DACT2: variants seen among roughly 807,000 people sequenced by gnomAD.
The protein encoded by DACT2 is dapper homolog 2.
In DACT2, 20 loss-of-function variants were observed where a neutral mutation model predicts 22.2. That is an observed-to-expected ratio of 0.90 (90% CI 0.63 to 1.31). DACT2 has a LOEUF of 1.31. DACT2 is among the 50% of genes most tolerant of loss of function. DACT2 has a pLI of 0.00. For missense variants in DACT2, 1,048 were observed against 1,061.4 expected (o/e 0.99, Z 0.18); for synonymous variants, 463 against 479.8 (o/e 0.96, Z 0.46).
Position 168,308,008 on chromosome 6 carries a change from G to A in DACT2, c.1749C>T (p.His583=), listed in dbSNP as rs1412943790. The change falls in exon 4 of 4, where the codon CAC becomes CAT. Residue 583 remains histidine (H), a synonymous_variant. Transcript: ENST00000366795. The part of the protein sequence containing the change: ...VPLAVAPQES[H]RTSAQALFPF... ...GGAACAGGGCTTGGGCTGAGGTCCGGTGGCTCTCCTGCGGGGCCACTGCCA... is the reference window on the plus strand; with the variant it reads ...GGAACAGGGCTTGGGCTGAGGTCCGATGGCTCTCCTGCGGGGCCACTGCCA... The A allele has an allele frequency of 1.9e-6, 3 of 1,550,840 alleles. No individual in the cohort carries two copies. The highest frequency in any genetic ancestry group is 2.6e-6 in the Non-Finnish European group (3 of 1,146,632).
chr6:168,310,503 C>T, intron 2 of DACT2, 57 bp from the exon 3 acceptor site: 2 of 1,520,822 alleles, frequency 1.3e-6, no homozygotes, highest in East Asian at 2.5e-5. Flanking sequence ...CCCAGGGCCC[C>T]CTCTCCTCCT....
downstream of DACT2, among the ~76,000 whole-genome samples, chr6:168,306,447 C>T (rs4708714): frequency 0.97 from 145,833 of 150,146 alleles, 70,770 homozygotes; most frequent in East Asian, 1. Flanking sequence ...TATGCCCCCT[C>T]TTTTTTTTCT....
intron 2 of DACT2, among the ~76,000 whole-genome samples, chr6:168,310,807 GTCTC>G (rs1779377807): frequency 6.6e-6 from 1 of 152,116 alleles, no homozygotes; most frequent in African/African-American, 2.4e-5. Context: ...TCTGGCCCCT[GTCTC>G]TCTCTTTCTT....
chr6:168,300,662 G>C (rs552277590), intron 3 of DACT2: 1 of 152,226 alleles, frequency 6.6e-6, no homozygotes, highest in African/African-American at 2.4e-5. Flanking sequence ...ATTGACTAGA[G>C]CATTATTTCT....
intron 3 of DACT2, among the ~76,000 whole-genome samples, chr6:168,297,098 A>G (rs1006701607): frequency 5.3e-5 from 8 of 152,358 alleles, no homozygotes; most frequent in African/African-American, 1.9e-4. Context: ...ACACCATTTT[A>G]TATCTGTTTG....
intron 1 of DACT2, among the ~76,000 whole-genome samples, chr6:168,314,275 C>A (rs1779493554): frequency 6.6e-6 from 1 of 152,164 alleles, no homozygotes; most frequent in Non-Finnish European, 1.5e-5. Context: ...TCCAGGCGGC[C>A]TTGCTCACGG....
downstream of DACT2, among the ~76,000 whole-genome samples, chr6:168,306,746 G>A (rs1350578479): frequency 4.6e-5 from 7 of 152,068 alleles, no homozygotes; most frequent in African/African-American, 9.7e-5. Flanking sequence ...CACCACGCCC[G>A]GCCTATGCTT....
chr6:168,294,119 C>T (rs1206494376), intron 5 of DACT2: 1 of 702,876 alleles, frequency 1.4e-6, no homozygotes. Context: ...AGACAGTGAG[C>T]ATGGAGCACT....
At chr6:168,298,903 A>G (rs1779052883) in intron 3 of DACT2, 1 of 151,956 alleles carries the variant, frequency 6.6e-6, no homozygotes, top group Non-Finnish European at 1.5e-5. Flanking sequence ...TACCCACAAT[A>G]TCTACCTCAC....
In DACT2 at chr6:168,310,243, C is replaced by G; in HGVS notation, c.583G>C (p.Gly195Arg). Residue 195 changes from glycine to arginine, a missense_variant, in exon 3 of 4, where the codon GGC (glycine) becomes CGC (arginine). By Grantham distance (125) the Gly-to-Arg change is moderately radical (BLOSUM62 -2). Coordinates refer to ENST00000366795, the MANE Select transcript of DACT2 (RefSeq NM_214462.5). ...TCCACGCTCCCTGGGGGCCTGGCGC[C>G]CTCCTCGGTAGCCTGGGGTCTCCAC... ...PAWRPQATEE[G>R]ARPPGSVEDA... The G allele has an allele frequency of 6.4e-7, 1 of 1,551,306 alleles. No homozygotes were observed. Among genetic ancestry groups the G allele is most frequent in the Non-Finnish European group, 8.7e-7 (1 of 1,147,006 alleles).
Position 168,307,446 on chromosome 6 carries a change from T to C in DACT2, c.2311A>G (p.Met771Val), listed in dbSNP as rs1371271043. The C allele has an allele frequency of 1.3e-6, 2 of 1,551,566 alleles. No individual in the cohort carries two copies. The highest frequency in any genetic ancestry group is 2.7e-5 in the African/African-American group (2 of 73,048). Residue 771 changes from methionine (M) to valine (V), a missense_variant, in exon 4 of 4, where the codon ATG becomes GTG. Physicochemically the swap from Met to Val is conservative, Grantham distance 21. Coordinates refer to ENST00000366795, the MANE Select transcript of DACT2 (RefSeq NM_214462.5). This position sits in a 1 kb window ranked among gnomAD's most constrained non-coding sequence, Gnocchi z 5.3. The part of the protein sequence containing the change: ...RRFQPTALKV[M>V]TMV Reference sequence around the variant, plus strand: ...GTCACTGCACCTCACACCATGGTCATGACCTTCAGGGCCGTCGGCTGGAAC... The same window carrying C: ...GTCACTGCACCTCACACCATGGTCACGACCTTCAGGGCCGTCGGCTGGAAC...
chr6:168,313,211 G>C (rs192295626), intron 1 of DACT2, among the ~76,000 whole-genome samples: 36 of 152,182 alleles, frequency 2.4e-4, no homozygotes, highest in East Asian at 2.1e-3. Context: ...GCCCAGCTAA[G>C]TTTTTGTATT....
chr6:168,308,766 T>C lies in DACT2; in HGVS notation c.991A>G (p.Arg331Gly). 3 of 1,551,238 alleles carry C rather than the reference T, an allele frequency of 1.9e-6. No homozygotes were observed. The highest frequency in any genetic ancestry group is 2.0e-5 in the Admixed American group (1 of 51,006). The change falls in exon 4 of 4, where the codon AGA becomes GGA. Residue 331 changes from arginine (R) to glycine (G), a missense_variant. Arg to Gly is a moderately radical substitution (Grantham distance 125). Coordinates refer to ENST00000366795, the MANE Select transcript of DACT2 (RefSeq NM_214462.5). ...TGCAGCAACCTGTCGATATAAGCTC[T>C]GGCCCTGGCCGGGCCAGCCTCGAGG... ...PVLEAGPARA[R>G]AYIDRLLHLW...
chr6:168,314,474 A>G (rs561697589), intron 1 of DACT2, among the ~76,000 whole-genome samples: 24 of 152,284 alleles, frequency 1.6e-4, no homozygotes, highest in African/African-American at 5.3e-4. Flanking sequence ...GCATTTTAAC[A>G]AGCTTCCCAG....
At chr6:168,294,734 A>C (rs1487874486) in intron 3 of DACT2, 1 of 1,287,156 alleles carries the variant, frequency 7.8e-7, no homozygotes, top group Non-Finnish European at 1.0e-6. Flanking sequence ...AATGTGCGTG[A>C]GAGCTACAGA....
rs1472470266 is a variant in DACT2, at chr6:168,293,694, A to G, written c.*200T>C. 1.0e-5 allele frequency: 6 copies of G among 587,144 alleles called. No homozygotes were observed. The East Asian group carries it at 1.7e-4, about 17-fold the overall frequency. The allele number at this position is 587,144 out of a possible 1,614,324, so 36.4% of individuals were successfully genotyped here. A position where few individuals can be genotyped will look rare whatever the true frequency, so the allele number is the denominator to read the frequency against. On this transcript the variant is annotated 3_prime_UTR_variant, in exon 6 of 6. Coordinates refer to the DACT2 transcript ENST00000366796. ...CTCCCTCACTTCAACTTTCCACGTA[A>G]AGGAAATTCCACTGACCAGCAGTCC...
downstream of DACT2, chr6:168,306,791 C>T (rs974021835): frequency 5.5e-5 from 42 of 763,318 alleles, no homozygotes; most frequent in Non-Finnish European, 1.4e-5. Context: ...TTAGTCTCTA[C>T]TCACTTATAA....
At position 168,319,378 on chromosome 6, in the gene DACT2, C is replaced by T. The variant is rs1320203835; in HGVS notation, c.246+10G>A. The T allele has an allele frequency of 1.0e-5, 12 of 1,198,380 alleles. No individual in the cohort carries two copies. The highest frequency in any genetic ancestry group is 1.6e-5 in the African/African-American group (1 of 63,102). The allele number at this position is 1,198,380 out of a possible 1,614,324, so 74.2% of individuals were successfully genotyped here. A position where few individuals can be genotyped will look rare whatever the true frequency, so the allele number is the denominator to read the frequency against. The stretch of plus-strand genomic sequence containing the variant: ...CCTCGCAGCCCCGAGTCCCGGCGCC[C>T]GGTCCTTACCAGCTGCTCCTGCAGC... On this transcript the variant is annotated intron_variant, in intron 1 of 3. Coordinates refer to ENST00000366795, the MANE Select transcript of DACT2 (RefSeq NM_214462.5).
At chr6:168,312,428 C>T (rs995346948) in intron 1 of DACT2, among the ~76,000 whole-genome samples, 1 of 152,188 alleles carries the variant, frequency 6.6e-6, no homozygotes, top group African/African-American at 2.4e-5. Context: ...AACTCCTGGA[C>T]TTAAGTGATC....
Sources: gnomAD v4.1 joint callset for allele counts (sites outside exome capture counted in the v4.1 genomes callset) on GRCh38, gnomAD v4.1.1 for gene constraint, Gnocchi (gnomAD v3.1) non-coding constraint, MANE v1.5 for transcripts, NCBI Gene and HGNC (gene_info 2026-07-23, HGNC 2026-07-21) for gene names.